Variants in IL1RAPL1 observed in about 807,000 individuals in gnomAD.
The protein encoded by IL1RAPL1 is interleukin 1 receptor accessory protein like 1.
Under a neutral mutation model 48.4 loss-of-function variants are expected in IL1RAPL1, and 3 were observed. That is an observed-to-expected ratio of 0.06 (90% CI 0.03 to 0.16). IL1RAPL1 has a LOEUF of 0.16. IL1RAPL1 is among the 10% of genes least tolerant of loss of function. The pLI is 1.00. For synonymous variants in IL1RAPL1, 185 were observed against 187.7 expected, an observed-to-expected ratio of 0.99 and a Z score of 0.12; for missense variants, 349 against 530.6, an observed-to-expected ratio of 0.66 and a Z score of 3.36.
At chrX:29,581,151 C>T (rs1922950293) in intron 5 of IL1RAPL1, among the ~76,000 whole-genome samples, 1 of 112,256 alleles carries the variant, frequency 8.9e-6, no homozygotes, top group South Asian at 3.7e-4. Flanking sequence ...TCTATAAATG[C>T]AAACAGAGCA....
intron 2 of IL1RAPL1, chrX:28,982,737 C>T (rs1925373944): frequency 8.9e-6 from 1 of 111,831 alleles, no homozygotes; most frequent in Admixed American, 9.5e-5. Flanking sequence ...CCACTAAACC[C>T]GAGTATCATC....
chrX:29,029,941 CTT>C (rs768468902), intron 2 of IL1RAPL1, among the ~76,000 whole-genome samples: 18 of 88,319 alleles, frequency 2.0e-4, no homozygotes, highest in Admixed American at 3.7e-4. Flanking sequence ...TATCGAGATT[CTT>C]TTTTTTTTTT....
rs753582133 is a variant in IL1RAPL1, at chrX:29,613,712, C to CGTGTGTGT, written c.704-54679_704-54672dup. On this transcript the variant is annotated intron_variant, in intron 5 of 10. Coordinates refer to ENST00000378993, the MANE Select transcript of IL1RAPL1 (RefSeq NM_014271.4). ...CAAATGGGAGAAGCTGGGTTTTTTT[C>CGTGTGTGT]GTGTGTGTGTGTGTGTGTGTGTGTG... Among the ~76,000 whole-genome samples the CGTGTGTGT allele has an allele frequency of 5.8e-4, 34 of 58,793 alleles. 1 individual carries two copies. Among genetic ancestry groups the CGTGTGTGT allele is most frequent in the East Asian group, 1.9e-3 (3 of 1,586 alleles). 51.1% of individuals were successfully genotyped at this position (58,793 alleles called of 115,157 possible).
chrX:29,088,434 G>A, intron 2 of IL1RAPL1, among the ~76,000 whole-genome samples: 1 of 110,363 alleles, frequency 9.1e-6, no homozygotes, highest in South Asian at 3.9e-4. Context: ...CCAGCACTTT[G>A]GGAGGCCAAG....
intron 2 of IL1RAPL1, among the ~76,000 whole-genome samples, chrX:28,917,840 G>A (rs1923524472): frequency 8.9e-6 from 1 of 112,168 alleles, no homozygotes; most frequent in Non-Finnish European, 1.9e-5. Context: ...ACATTGTTAT[G>A]CAGCCATCAT....
intron 2 of IL1RAPL1, among the ~76,000 whole-genome samples, chrX:28,802,592 A>C (rs1211881983): frequency 1.8e-5 from 2 of 112,576 alleles, no homozygotes; most frequent in African/African-American, 6.4e-5. Context: ...TCTTACTTTA[A>C]GTTCTTAATG....
intron 1 of IL1RAPL1, among the ~76,000 whole-genome samples, chrX:28,710,047 G>A (rs2146934320): frequency 9.0e-6 from 1 of 111,418 alleles, no homozygotes; most frequent in Non-Finnish European, 1.9e-5. Flanking sequence ...TTATTGTACA[G>A]TGGAACAAAG....
intron 2 of IL1RAPL1, among the ~76,000 whole-genome samples, chrX:28,951,700 C>T (rs1394587510): frequency 1.8e-5 from 2 of 111,198 alleles, no homozygotes; most frequent in Admixed American, 9.7e-5. Context: ...ATTAAATTCT[C>T]TTGCCTTTCT....
At chrX:29,357,652 G>A (rs1249544656) in intron 3 of IL1RAPL1, among the ~76,000 whole-genome samples, 1 of 111,874 alleles carries the variant, frequency 8.9e-6, no homozygotes, top group Non-Finnish European at 1.9e-5. Flanking sequence ...AAAATGTAGG[G>A]CTACTAAGCA....
At chrX:28,793,066 C>T (rs771099391) in intron 2 of IL1RAPL1, among the ~76,000 whole-genome samples, 1 of 106,450 alleles carries the variant, frequency 9.4e-6, no homozygotes, top group African/African-American at 3.4e-5. Flanking sequence ...ATTCGTTACA[C>T]AATAGATTTT....
intron 2 of IL1RAPL1, among the ~76,000 whole-genome samples, chrX:29,021,978 A>G (rs1429750300): frequency 9.0e-6 from 1 of 111,590 alleles, no homozygotes; most frequent in African/African-American, 3.3e-5. Flanking sequence ...ATACATCTTC[A>G]TTCTCTTTAA....
rs904974619 is a variant in IL1RAPL1, at chrX:29,954,221, G to A, written c.1202-301G>A. On this transcript the variant is annotated intron_variant, in intron 9 of 10. Coordinates refer to ENST00000378993, the MANE Select transcript of IL1RAPL1 (RefSeq NM_014271.4). ...ACTGCACTCCAGCCTGGACAACTGA[G>A]CAAGACTGTGTCCCAAAAAAAAAAA... Among the ~76,000 whole-genome samples, 3 of 68,324 alleles carry A rather than the reference G, an allele frequency of 4.4e-5. No individual in the cohort carries two copies. In the South Asian group the frequency reaches 3.8e-3, roughly 87 times the overall value. The allele number at this position is 68,324 out of a possible 115,157, so 59.3% of individuals were successfully genotyped here.
chrX:29,120,968 A>G (rs1460732365), intron 2 of IL1RAPL1, among the ~76,000 whole-genome samples: 2 of 112,365 alleles, frequency 1.8e-5, no homozygotes, highest in African/African-American at 6.5e-5. Flanking sequence ...TAAAATATCA[A>G]TGGACTGAAG....
chrX:29,573,272 A>G, intron 5 of IL1RAPL1, among the ~76,000 whole-genome samples: 1 of 112,689 alleles, frequency 8.9e-6, no homozygotes, highest in Admixed American at 9.4e-5. Flanking sequence ...GAGGGACACA[A>G]CATTCAGACC....
chrX:29,605,784 A>G (rs779831067), intron 5 of IL1RAPL1, among the ~76,000 whole-genome samples: 1 of 112,257 alleles, frequency 8.9e-6, no homozygotes, highest in African/African-American at 3.2e-5. Flanking sequence ...AAATTCTAAA[A>G]TGTATTAAAT....
chrX:29,175,182 C>G (rs1341964921), intron 2 of IL1RAPL1, among the ~76,000 whole-genome samples: 3 of 110,905 alleles, frequency 2.7e-5, no homozygotes, highest in South Asian at 3.7e-4. Context: ...TATTGGTTGT[C>G]ATAATGTGTT....
At chrX:29,261,766 T>C (rs764118608) in intron 2 of IL1RAPL1, among the ~76,000 whole-genome samples, 44 of 111,166 alleles carry the variant, frequency 4.0e-4, no homozygotes, top group Non-Finnish European at 6.4e-4. Flanking sequence ...TCTGGTTTCT[T>C]TTTGTTCTTC....
chrX:28,704,430 AC>A (rs1935341362), intron 1 of IL1RAPL1, among the ~76,000 whole-genome samples: 1 of 102,703 alleles, frequency 9.7e-6, no homozygotes, highest in Admixed American at 1.1e-4. Context: ...AAACACACAC[AC>A]ACACACACAC....
intron 5 of IL1RAPL1, among the ~76,000 whole-genome samples, chrX:29,480,683 A>G (rs1055612045): frequency 5.4e-5 from 6 of 110,949 alleles, no homozygotes; most frequent in African/African-American, 2.0e-4. Context: ...AGAAGTAAAA[A>G]TCAGTTGCAA....
Sources: gnomAD v4.1 joint callset for allele counts (sites outside exome capture counted in the v4.1 genomes callset) on GRCh38, gnomAD v4.1.1 for gene constraint, MANE v1.5 for transcripts, NCBI Gene and HGNC (gene_info 2026-07-23, HGNC 2026-07-21) for gene names.